NKAIN3: variants seen among roughly 807,000 people sequenced by gnomAD.
NKAIN3 encodes the protein sodium/potassium-transporting ATPase subunit beta-1-interacting protein 3.
Under a neutral mutation model 30.2 loss-of-function variants are expected in NKAIN3, and 25 were observed. That is an observed-to-expected ratio of 0.83 (90% CI 0.60 to 1.16). NKAIN3 has a LOEUF of 1.16. Ranked by LOEUF, NKAIN3 falls within the 50% of genes most tolerant of loss-of-function variation. The probability of loss-of-function intolerance (pLI) is 0.00; values close to 1 mark genes in which losing one functional copy is unlikely to be tolerated. For missense variants in NKAIN3, 225 were observed against 254.1 expected (o/e 0.89, Z 0.78); for synonymous variants, 91 against 89.6 (o/e 1.02, Z -0.09).
intron 4 of NKAIN3, among the ~76,000 whole-genome samples, chr8:62,754,619 G>A (rs1287205018): frequency 1.3e-5 from 2 of 152,178 alleles, no homozygotes; most frequent in East Asian, 1.9e-4. Flanking sequence ...GGGGTCCTAT[G>A]AGAATTGTTT....
At chr8:62,898,384 CA>C (rs895145608) in intron 4 of NKAIN3, among the ~76,000 whole-genome samples, 8 of 151,984 alleles carry the variant, frequency 5.3e-5, no homozygotes, top group African/African-American at 1.9e-4. Flanking sequence ...TACCCAGCCA[CA>C]AAAAAGAATG....
intron 5 of NKAIN3, among the ~76,000 whole-genome samples, chr8:62,923,172 C>T (rs917928554): frequency 1.3e-5 from 2 of 151,860 alleles, no homozygotes; most frequent in African/African-American, 4.8e-5. Flanking sequence ...GTGGTGTGTG[C>T]CTGTGGTCCC....
In NKAIN3 at chr8:62,971,388, G is replaced by C. The variant is rs554705057; in HGVS notation, c.*5981G>C. Among the ~76,000 whole-genome samples the C allele has an allele frequency of 1.5e-4, 23 of 152,146 alleles. No homozygotes were observed. Among genetic ancestry groups the C allele is most frequent in the Non-Finnish European group, 2.6e-4 (18 of 68,026 alleles). ...ATGGTGGCTTATGCCTGTAATTTCA[G>C]CAATTTGGAAGGCCAAGGCGTGCAG... On this transcript the variant is annotated 3_prime_UTR_variant, in exon 7 of 7. Coordinates refer to ENST00000623646, the MANE Select transcript of NKAIN3 (RefSeq NM_001304533.3).
chr8:62,676,936 C>G (rs1204525426), intron 3 of NKAIN3, among the ~76,000 whole-genome samples: 1 of 152,016 alleles, frequency 6.6e-6, no homozygotes, highest in East Asian at 1.9e-4. Flanking sequence ...CCAGGCTGGT[C>G]TCAAATTCCT....
At chr8:62,392,183 T>G (rs1485803358) in intron 1 of NKAIN3, among the ~76,000 whole-genome samples, 2 of 152,088 alleles carry the variant, frequency 1.3e-5, no homozygotes, top group African/African-American at 4.8e-5. Context: ...CTTTTGAAAT[T>G]GTTATTACTG....
chr8:62,684,915 G>A (rs1220907720), intron 3 of NKAIN3, among the ~76,000 whole-genome samples: 1 of 152,106 alleles, frequency 6.6e-6, no homozygotes, highest in Non-Finnish European at 1.5e-5. Context: ...TCTACTCCTT[G>A]ATTTTGGACT....
At chr8:62,447,031 TG>T (rs1336150775) in intron 1 of NKAIN3, among the ~76,000 whole-genome samples, 3 of 152,068 alleles carry the variant, frequency 2.0e-5, no homozygotes, top group African/African-American at 7.2e-5. Context: ...TGGTGTTAAC[TG>T]GGATGCCATA....
intron 4 of NKAIN3, among the ~76,000 whole-genome samples, chr8:62,898,629 A>G (rs1000006434): frequency 3.3e-5 from 5 of 152,132 alleles, no homozygotes; most frequent in Non-Finnish European, 4.4e-5. Flanking sequence ...TGAAACTACT[A>G]CAAGAAAACA....
At chr8:62,565,238 C>T (rs1025673229) in intron 1 of NKAIN3, among the ~76,000 whole-genome samples, 1 of 151,928 alleles carries the variant, frequency 6.6e-6, no homozygotes, top group Non-Finnish European at 1.5e-5. Flanking sequence ...ATATCGGACA[C>T]TTCATTTCCA....
intron 1 of NKAIN3, among the ~76,000 whole-genome samples, chr8:62,440,801 G>A (rs189004638): frequency 6.6e-6 from 1 of 152,150 alleles, no homozygotes; most frequent in Admixed American, 6.5e-5. Flanking sequence ...TGTAGCCATG[G>A]GCTGCCAGAG....
At chr8:62,410,982 A>G (rs1343162205) in intron 1 of NKAIN3, among the ~76,000 whole-genome samples, 1 of 152,182 alleles carries the variant, frequency 6.6e-6, no homozygotes, top group African/African-American at 2.4e-5. Flanking sequence ...GCTGGTGCCA[A>G]TCCTACTGAA....
At chr8:62,625,938 G>T (rs764419265) in intron 3 of NKAIN3, among the ~76,000 whole-genome samples, 1 of 145,802 alleles carries the variant, frequency 6.9e-6, no homozygotes, top group Non-Finnish European at 1.5e-5. Context: ...GTGTTAACAT[G>T]ACATAATTGA....
intron 5 of NKAIN3, among the ~76,000 whole-genome samples, chr8:62,938,243 C>T (rs1401037599): frequency 6.6e-6 from 1 of 152,090 alleles, no homozygotes; most frequent in Admixed American, 6.5e-5. Flanking sequence ...TATACTACTA[C>T]AGCTGATGCC....
At chr8:62,729,033 AAAAAAAC>A (rs1563534901) in intron 3 of NKAIN3, among the ~76,000 whole-genome samples, 24 of 111,896 alleles carry the variant, frequency 2.1e-4, no homozygotes, top group East Asian at 4.6e-4. Context: ...CCAAAAAAAA[AAAAAAAC>A]AAAAAAAAAA....
chr8:62,363,407 G>A (rs543770109), intron 1 of NKAIN3, among the ~76,000 whole-genome samples: 1 of 152,100 alleles, frequency 6.6e-6, no homozygotes, highest in Non-Finnish European at 1.5e-5. Flanking sequence ...TAGTAGAACA[G>A]TAGGTAGCTA....
intron 2 of NKAIN3, among the ~76,000 whole-genome samples, chr8:62,585,161 G>T (rs1021898950): frequency 2.5e-4 from 38 of 152,104 alleles, no homozygotes; most frequent in Non-Finnish European, 2.9e-4. Context: ...AGTATGTGCT[G>T]TGCTGCCTGC....
chr8:62,886,200 A>G (rs548901638), intron 4 of NKAIN3, among the ~76,000 whole-genome samples: 1 of 152,014 alleles, frequency 6.6e-6, no homozygotes, highest in South Asian at 2.1e-4. Context: ...TGTAATATAC[A>G]TTCACAACAA....
intron 4 of NKAIN3, among the ~76,000 whole-genome samples, chr8:62,902,172 G>A (rs1199764378): frequency 6.6e-6 from 1 of 152,160 alleles, no homozygotes; most frequent in Non-Finnish European, 1.5e-5. Flanking sequence ...TGGTTCTGTG[G>A]AAATCTGTAT....
intron 1 of NKAIN3, among the ~76,000 whole-genome samples, chr8:62,409,557 A>G (rs1414016258): frequency 6.6e-6 from 1 of 152,174 alleles, no homozygotes; most frequent in African/African-American, 2.4e-5. Context: ...TTACAGGCCT[A>G]TGATCACATT....
Sources: allele counts gnomAD v4.1 joint callset (sites outside exome capture counted in the v4.1 genomes callset), GRCh38; gene constraint gnomAD v4.1.1; transcripts MANE v1.5; gene names NCBI Gene and HGNC (gene_info 2026-07-23, HGNC 2026-07-21).